The following KLHL2 variants were observed in gnomAD, a reference collection of about 807,000 sequenced individuals.
KLHL2 encodes the protein kelch-like protein 2.
A neutral mutation model predicts 75.8 loss-of-function variants in KLHL2; 15 were observed. The observed-to-expected ratio is 0.20, with a 90% CI of 0.13 to 0.30. The LOEUF (loss-of-function observed/expected upper bound fraction) is 0.30. Ranked by LOEUF, KLHL2 falls within the 10% of genes least tolerant of loss-of-function variation. The probability of loss-of-function intolerance (pLI) is 1.00; values close to 1 mark genes in which losing one functional copy is unlikely to be tolerated. For synonymous variants in KLHL2, 214 were observed against 251.9 expected, an observed-to-expected ratio of 0.85 and a Z score of 1.42; for missense variants, 381 against 741.0, an observed-to-expected ratio of 0.51 and a Z score of 5.64.
At chr4:165,299,885 C>G (rs558566913) in intron 8 of KLHL2, among the ~76,000 whole-genome samples, 1 of 152,276 alleles carries the variant, frequency 6.6e-6, no homozygotes, top group South Asian at 2.1e-4. Flanking sequence ...CATGATGTCA[C>G]TCTTCTGGAA....
chr4:165,231,274 AC>A (rs1442017078), intron 3 of KLHL2, among the ~76,000 whole-genome samples: 1 of 151,900 alleles, frequency 6.6e-6, no homozygotes, highest in African/African-American at 2.4e-5. Flanking sequence ...CATGGTGAAA[AC>A]CCATCTCTAT....
At chr4:165,290,793 C>A (rs545058838) in intron 5 of KLHL2, among the ~76,000 whole-genome samples, 110 of 152,218 alleles carry the variant, frequency 7.2e-4, no homozygotes, top group African/African-American at 2.5e-3. Context: ...ATGGTGAAAC[C>A]CCGTCTCTAC....
In KLHL2 at chr4:165,322,033, G is replaced by T. The variant is rs2126602094; in HGVS notation, c.1755G>T (p.Gly585=). Residue 585 remains glycine, a splice_region_variant and synonymous_variant, in exon 15 of 15, where the codon GGG becomes GGT. Coordinates refer to ENST00000226725, the MANE Select transcript of KLHL2 (RefSeq NM_007246.4). ...TTCTCTCTTCATTTCTTTGCTCAGGGGTCACAGTTATTGATAAACCATTAT... is the reference window on the plus strand; with the variant it reads ...TTCTCTCTTCATTTCTTTGCTCAGGTGTCACAGTTATTGATAAACCATTAT... ...SCMSTGRSYA[G]VTVIDKPL 1 of 1,613,522 alleles carries T rather than the reference G, an allele frequency of 6.2e-7. No homozygotes were observed. Among genetic ancestry groups the T allele is most frequent in the Non-Finnish European group, 8.5e-7 (1 of 1,179,664 alleles).
At chr4:165,244,153 A>G (rs771619248) in intron 4 of KLHL2, among the ~76,000 whole-genome samples, 19 of 152,202 alleles carry the variant, frequency 1.2e-4, no homozygotes, top group Non-Finnish European at 2.5e-4. Context: ...TCCCGTGTCT[A>G]ATTGGATTGA....
chr4:165,308,808 C>A (rs1745929971), intron 9 of KLHL2, among the ~76,000 whole-genome samples: 1 of 152,076 alleles, frequency 6.6e-6, no homozygotes, highest in African/African-American at 2.4e-5. Context: ...AAACATGCTG[C>A]CTGGTATGTT....
chr4:165,251,785 A>G (rs1579044802), intron 4 of KLHL2, among the ~76,000 whole-genome samples: 1 of 151,138 alleles, frequency 6.6e-6, no homozygotes, highest in Non-Finnish European at 1.5e-5. Flanking sequence ...AATTTTTTGT[A>G]TTTTTAGTAG....
rs569202205 is a variant in KLHL2 at position 165,279,723 on chromosome 4, G to A, written c.545-14636G>A. 24 of 1,141,688 alleles carry A rather than the reference G, an allele frequency of 2.1e-5. 1 individual carries two copies. The South Asian group carries it at 2.5e-4, about 12-fold the overall frequency. 70.7% of individuals were successfully genotyped at this position (1,141,688 alleles called of 1,614,324 possible). The stretch of plus-strand genomic sequence containing the variant: ...GGCGGGAGGGGGAGGGGAGGGTGAC[G>A]AGTCCAAAGAGCGAGGCCGCGCGAG... On this transcript the variant is annotated intron_variant, in intron 5 of 14. Transcript: ENST00000226725.
chr4:165,313,704 A>G (rs1262980370), intron 12 of KLHL2, among the ~76,000 whole-genome samples: 1 of 152,108 alleles, frequency 6.6e-6, no homozygotes, highest in African/African-American at 2.4e-5. Flanking sequence ...GTGCTTTAAT[A>G]TGCGGTTATT....
intron 9 of KLHL2, 87 bp from the exon 10 acceptor site, chr4:165,310,466 A>G: frequency 9.1e-7 from 1 of 1,095,212 alleles, no homozygotes; most frequent in South Asian, 1.3e-5. Context: ...TTCTGACAAC[A>G]GCTATAGATT....
intron 8 of KLHL2, among the ~76,000 whole-genome samples, chr4:165,305,131 A>AT (rs1019191885): frequency 6.6e-6 from 1 of 151,552 alleles, no homozygotes; most frequent in Non-Finnish European, 1.5e-5. Context: ...CTTTTTCAAT[A>AT]TTTTTTTTCC....
At chr4:165,314,188 T>G (rs1746436078) in intron 13 of KLHL2, 22 bp downstream of exon 13, 1 of 1,598,498 alleles carries the variant, frequency 6.3e-7, no homozygotes, top group Non-Finnish European at 8.5e-7. Flanking sequence ...TTTAAGGTTA[T>G]AAAACTTATG....
intron 1 of KLHL2, chr4:165,208,569 C>G (rs1372715843): frequency 1.3e-5 from 2 of 152,106 alleles, no homozygotes; most frequent in Non-Finnish European, 2.9e-5. Flanking sequence ...CATTCAAGAT[C>G]ACTGGCAACA....
intron 5 of KLHL2, among the ~76,000 whole-genome samples, chr4:165,291,680 A>C (rs1579135095): frequency 6.6e-6 from 1 of 152,040 alleles, no homozygotes; most frequent in South Asian, 2.1e-4. Flanking sequence ...TGTTGTGTCG[A>C]CCTACAGTCA....
At chr4:165,301,757 C>T (rs1745366367) in intron 8 of KLHL2, among the ~76,000 whole-genome samples, 1 of 152,126 alleles carries the variant, frequency 6.6e-6, no homozygotes, top group South Asian at 2.1e-4. Context: ...ATCTTTAATA[C>T]TTTTTAAATA....
At chr4:165,256,816 G>A (rs1030910836) in intron 4 of KLHL2, among the ~76,000 whole-genome samples, 3 of 152,098 alleles carry the variant, frequency 2.0e-5, no homozygotes, top group African/African-American at 7.2e-5. Flanking sequence ...TAACAATTGT[G>A]GTATAGCCCT....
At chr4:165,267,316 C>CTGA (rs1396161068) in intron 5 of KLHL2, among the ~76,000 whole-genome samples, 2 of 152,164 alleles carry the variant, frequency 1.3e-5, no homozygotes, top group African/African-American at 4.8e-5. Flanking sequence ...TGTCTCTTGC[C>CTGA]TGATTGCCCT....
chr4:165,264,701 TGTGTATATATATATATATAC>T (rs1373036523), intron 5 of KLHL2, among the ~76,000 whole-genome samples: 329 of 59,998 alleles, frequency 5.5e-3, no homozygotes, highest in African/African-American at 0.019. Flanking sequence ...TGTGTGTGTG[TGTGTATATATATATATATAC>T]ATATATATAT....
At chr4:165,289,318 G>A (rs1331387798) in intron 5 of KLHL2, among the ~76,000 whole-genome samples, 1 of 152,026 alleles carries the variant, frequency 6.6e-6, no homozygotes, top group Non-Finnish European at 1.5e-5. Context: ...TCCAAAGAAA[G>A]CTCAGTATAA....
intron 5 of KLHL2, among the ~76,000 whole-genome samples, chr4:165,276,068 C>T (rs955549518): frequency 5.9e-5 from 9 of 152,098 alleles, no homozygotes; most frequent in African/African-American, 1.9e-4. Flanking sequence ...GCAGAGGTTG[C>T]AATGAGCTGA....
Sources: gnomAD v4.1 joint callset for allele counts (sites outside exome capture counted in the v4.1 genomes callset) on GRCh38, gnomAD v4.1.1 for gene constraint, MANE v1.5 for transcripts, NCBI Gene and HGNC (gene_info 2026-07-23, HGNC 2026-07-21) for gene names.